Variants in LOXL2 observed in about 807,000 individuals in gnomAD.
LOXL2 encodes the protein lysyl oxidase like 2.
A neutral mutation model predicts 93.0 loss-of-function variants in LOXL2; 70 were observed. That is an observed-to-expected ratio of 0.75 (90% CI 0.62 to 0.92). The LOEUF is 0.92. Among genes scored for constraint, LOXL2 ranks in the 40% least tolerant of loss-of-function variants. The probability of loss-of-function intolerance (pLI) is 0.00; values close to 1 mark genes in which losing one functional copy is unlikely to be tolerated. For missense variants in LOXL2, 973 were observed against 1,054.9 expected (o/e 0.92, Z 1.08); for synonymous variants, 438 against 413.2 (o/e 1.06, Z -0.73).
At chr8:23,401,967 CAA>C (rs1246685314) in intron 1 of LOXL2, among the ~76,000 whole-genome samples, 2 of 152,242 alleles carry the variant, frequency 1.3e-5, no homozygotes, top group Non-Finnish European at 2.9e-5. Flanking sequence ...CTTTCTAACA[CAA>C]AGTTACAGGG....
intron 12 of LOXL2, among the ~76,000 whole-genome samples, chr8:23,299,908 G>C (rs1803100939): frequency 1.3e-5 from 2 of 152,244 alleles, no homozygotes; most frequent in South Asian, 4.1e-4. Context: ...CTCTGCTCTG[G>C]CCCAGCGGGG....
At chr8:23,342,441 T>G (rs527713431) in intron 3 of LOXL2, among the ~76,000 whole-genome samples, 2 of 150,612 alleles carry the variant, frequency 1.3e-5, no homozygotes. Context: ...TTCTTTTTTT[T>G]TTTTTTTTGA....
At chr8:23,400,322 G>A (rs1363077836) in intron 1 of LOXL2, among the ~76,000 whole-genome samples, 1 of 152,198 alleles carries the variant, frequency 6.6e-6, no homozygotes, top group East Asian at 1.9e-4. Context: ...CATGGCAGAA[G>A]ACAAAGGAAG....
chr8:23,313,902 C>T (rs1330455208), intron 9 of LOXL2, among the ~76,000 whole-genome samples: 1 of 147,254 alleles, frequency 6.8e-6, no homozygotes, highest in Non-Finnish European at 1.5e-5. Context: ...ACTCATCTGA[C>T]AAAGGGCTAA....
intron 1 of LOXL2, among the ~76,000 whole-genome samples, chr8:23,403,142 G>A (rs1800173576): frequency 6.6e-6 from 1 of 152,172 alleles, no homozygotes; most frequent in Non-Finnish European, 1.5e-5. Flanking sequence ...AAGGGGCGCG[G>A]TGGGCAAAGC....
At chr8:23,318,559 A>G (rs1376272344) in intron 8 of LOXL2, among the ~76,000 whole-genome samples, 1 of 152,128 alleles carries the variant, frequency 6.6e-6, no homozygotes, top group Non-Finnish European at 1.5e-5. Flanking sequence ...GGACTTGAGA[A>G]GGGATGGGGC....
intron 3 of LOXL2, among the ~76,000 whole-genome samples, chr8:23,347,512 A>T (rs2117189876): frequency 6.6e-6 from 1 of 152,040 alleles, no homozygotes; most frequent in South Asian, 2.1e-4. Context: ...ACAAAAAAAA[A>T]TTAGCCAGAC....
intron 3 of LOXL2, among the ~76,000 whole-genome samples, chr8:23,342,394 C>A (rs1803895760): frequency 1.3e-5 from 2 of 152,174 alleles, no homozygotes; most frequent in Non-Finnish European, 2.9e-5. Context: ...CGTCTGTCTG[C>A]CACAGGGCCA....
At chr8:23,402,054 A>G (rs1214096428) in intron 1 of LOXL2, among the ~76,000 whole-genome samples, 1 of 151,888 alleles carries the variant, frequency 6.6e-6, no homozygotes, top group East Asian at 1.9e-4. Context: ...ACACATACAC[A>G]CAAGTGCACA....
Position 23,302,120 on chromosome 8 carries a change from G to T in LOXL2, c.2040C>A (p.Gly680=). ...NYECANFGDQ[G]ITMGCWDMYR... is the part of the protein sequence containing the mutation. ...ACATGTCCCAGCAGCCCATGGTGAT[G>T]CCCTGATCGCCGAAGTTGGCACACT... The change falls in exon 12 of 14, where the codon GGC becomes GGA. Residue 680 remains glycine (G), a synonymous_variant. Coordinates refer to ENST00000389131, the MANE Select transcript of LOXL2 (RefSeq NM_002318.3). 1 of 1,614,148 alleles carries T rather than the reference G, an allele frequency of 6.2e-7. No homozygotes were observed.
intron 3 of LOXL2, among the ~76,000 whole-genome samples, chr8:23,347,696 T>C (rs1480648783): frequency 6.6e-6 from 1 of 151,978 alleles, no homozygotes; most frequent in Non-Finnish European, 1.5e-5. Flanking sequence ...AGGCTGGGTG[T>C]GGTGGCTCAC....
rs188274778 is a variant in LOXL2 at position 23,362,387 on chromosome 8, A to C, written c.356-2122T>G. Among the ~76,000 whole-genome samples the C allele has an allele frequency of 8.9e-4, 136 of 152,342 alleles. 1 individual carries two copies. Among genetic ancestry groups the C allele is most frequent in the African/African-American group, 3.1e-3 (129 of 41,574 alleles). ...GCAAAATGGAAAAGTTCTGCTGATG[A>C]TGGTTGCACAACAATGTGAATATAC... On this transcript the variant is annotated intron_variant, in intron 2 of 13. Transcript: ENST00000389131.
chr8:23,346,090 A>ATTAAAT (rs1230448516), intron 3 of LOXL2, among the ~76,000 whole-genome samples: 5 of 90,584 alleles, frequency 5.5e-5, no homozygotes, highest in Non-Finnish European at 6.2e-5. Context: ...AAATAATAAA[A>ATTAAAT]TAAAATAAAA....
At chr8:23,319,829 A>AG (rs1299938491) in intron 8 of LOXL2, 56 bp downstream of exon 8, 1 of 1,569,240 alleles carries the variant, frequency 6.4e-7, no homozygotes, top group Non-Finnish European at 8.7e-7. Context: ...GACTGAAGAC[A>AG]GTGTGGTCAG....
At chr8:23,362,530 C>T (rs1255462311) in intron 2 of LOXL2, among the ~76,000 whole-genome samples, 1 of 152,084 alleles carries the variant, frequency 6.6e-6, no homozygotes, top group Non-Finnish European at 1.5e-5. Context: ...CTCAGGAGTT[C>T]GAGACCAGCC....
intron 9 of LOXL2, 139 bp downstream of exon 9, chr8:23,316,810 A>G: frequency 1.2e-6 from 1 of 859,858 alleles, no homozygotes; most frequent in Non-Finnish European, 1.7e-6. Context: ...TCTTGCCCCC[A>G]GTTTTTCTCC....
intron 1 of LOXL2, among the ~76,000 whole-genome samples, chr8:23,379,086 T>A (rs1428290738): frequency 6.6e-6 from 1 of 152,238 alleles, no homozygotes; most frequent in Non-Finnish European, 1.5e-5. Flanking sequence ...CGGTCCTTGA[T>A]GATGGTGACA....
intron 1 of LOXL2, among the ~76,000 whole-genome samples, chr8:23,377,303 G>A (rs1804608772): frequency 1.3e-5 from 2 of 152,202 alleles, no homozygotes; most frequent in African/African-American, 4.8e-5. Flanking sequence ...TGGTCTGAGA[G>A]ACAGTTTGTT....
At chr8:23,313,628 C>T (rs1435565413) in intron 9 of LOXL2, among the ~76,000 whole-genome samples, 2 of 152,120 alleles carry the variant, frequency 1.3e-5, no homozygotes, top group East Asian at 3.9e-4. Context: ...CTTCCTCACA[C>T]CTTCTACAAA....
Sources: gnomAD v4.1 joint callset for allele counts (sites outside exome capture counted in the v4.1 genomes callset) on GRCh38, gnomAD v4.1.1 for gene constraint, MANE v1.5 for transcripts, NCBI Gene and HGNC (gene_info 2026-07-23, HGNC 2026-07-21) for gene names.